ZNF28: variants seen among roughly 807,000 people sequenced by gnomAD.
The protein encoded by ZNF28 is zinc finger protein KOX24.
In ZNF28, 5 loss-of-function variants were observed where a neutral mutation model predicts 7.2. The ratio of observed to expected loss-of-function variants is 0.70; its 90% CI spans 0.36 to 1.46. The LOEUF (loss-of-function observed/expected upper bound fraction) is 1.46. Among genes scored for constraint, ZNF28 ranks in the 40% most tolerant of loss-of-function variants. The probability of loss-of-function intolerance (pLI) is 0.03; values close to 1 mark genes in which losing one functional copy is unlikely to be tolerated. For synonymous variants in ZNF28, 288 were observed against 292.4 expected (o/e 0.99, Z 0.15); for missense variants, 879 against 866.6 (o/e 1.01, Z -0.18).
rs1380123910 is a variant in ZNF28 at position 52,798,861 on chromosome 19, C to T, written c.*827G>A. 1 of 1,321,474 alleles carries T rather than the reference C, an allele frequency of 7.6e-7. No individual in the cohort carries two copies. The highest frequency in any genetic ancestry group is 1.5e-5 in the African/African-American group (1 of 67,462). The allele number at this position is 1,321,474 out of a possible 1,614,324, so 81.9% of individuals were successfully genotyped here. On this transcript the variant is annotated 3_prime_UTR_variant, in exon 4 of 4. Coordinates refer to ENST00000457749, the MANE Select transcript of ZNF28 (RefSeq NM_006969.5). ...CAATCATTATATTAGTCAAGTTTCC[C>T]TATACTATGGATTGCTTGATGGTGA...
intron 3 of ZNF28, among the ~76,000 whole-genome samples, chr19:52,803,894 T>C (rs1166961725): frequency 2.0e-5 from 3 of 152,010 alleles, no homozygotes; most frequent in Non-Finnish European, 4.4e-5. Flanking sequence ...AAGGTGAAGG[T>C]TGCAGTGAGC....
chr19:52,809,894 G>A (rs2062994070), intron 2 of ZNF28: 9 of 806,588 alleles, frequency 1.1e-5, no homozygotes, highest in Non-Finnish European at 1.9e-5. Flanking sequence ...CCAGGCCGGG[G>A]CGGCGCCATC....
intron 3 of ZNF28, among the ~76,000 whole-genome samples, chr19:52,803,395 A>T (rs2062898109): frequency 6.6e-6 from 1 of 152,186 alleles, no homozygotes. Context: ...TTGTGACATT[A>T]TCTAGGGGAG....
Position 52,810,516 on chromosome 19 carries a change from A to C in ZNF28, c.16-2383T>G. ...TCCCTATTTAGAGGAAGGCAAATCA[A>C]GGTGATCCCAAAGCGAACCAACAGA... On this transcript the variant is annotated intron_variant, in intron 2 of 3. Transcript: ENST00000457749. 3 of 1,592,656 alleles carry C rather than the reference A, an allele frequency of 1.9e-6. 1 individual carries two copies. The highest frequency in any genetic ancestry group is 3.3e-4 in the Middle Eastern group (2 of 6,028).
In ZNF28 at chr19:52,801,276, T is replaced by C. The variant is rs1373027627; in HGVS notation, c.569A>G (p.Asn190Ser). ...ICCRPKTHISNKYGNNSLHSS... is the reference protein window; with the variant it reads ...ICCRPKTHISSKYGNNSLHSS... ...ATGGAGGGAATTATTTCCATACTTA[T>C]TAGAAATATGGGTTTTGGGCCTACA... is the stretch of plus-strand genomic sequence containing the variant. Residue 190 changes from asparagine (N) to serine (S), a missense_variant, in exon 4 of 4, where the codon AAT becomes AGT. Transcript: ENST00000457749. 1.2e-6 allele frequency: 2 copies of C among 1,614,024 alleles called. No individual in the cohort carries two copies. The highest frequency in any genetic ancestry group is 1.7e-6 in the Non-Finnish European group (2 of 1,179,966).
At chr19:52,815,465 C>A (rs1373479578) in intron 2 of ZNF28, among the ~76,000 whole-genome samples, 1 of 145,040 alleles carries the variant, frequency 6.9e-6, no homozygotes. Context: ...TGCAGTGAGC[C>A]GAGATCATGC....
chr19:52,797,430 T>G lies in ZNF28; in HGVS notation c.*2258A>C, dbSNP rs2062811360. ...AAATCAGAAAGAAAGAAGTCAAATT[T>G]TATTTGTTTGTAGATGACATGATCT... On this transcript the variant is annotated 3_prime_UTR_variant, in exon 4 of 4. Coordinates refer to ENST00000457749, the MANE Select transcript of ZNF28 (RefSeq NM_006969.5). The G allele has an allele frequency of 6.6e-6, 1 of 152,254 alleles. No homozygotes were observed. The highest frequency in any genetic ancestry group is 2.4e-5 in the African/African-American group (1 of 41,472). 9.4% of individuals were successfully genotyped at this position (152,254 alleles called of 1,614,324 possible).
chr19:52,812,141 T>G (rs1370872452), intron 2 of ZNF28, among the ~76,000 whole-genome samples: 8 of 112,656 alleles, frequency 7.1e-5, no homozygotes, highest in Admixed American at 2.5e-4. Flanking sequence ...GGGAGGGTGG[T>G]GGGGGGGTCA....
intron 2 of ZNF28, among the ~76,000 whole-genome samples, chr19:52,811,693 C>G (rs1189453759): frequency 6.9e-6 from 1 of 144,540 alleles, no homozygotes; most frequent in Non-Finnish European, 1.5e-5. Flanking sequence ...CCCCTCCGTC[C>G]GGCAACCACC....
intron 2 of ZNF28, chr19:52,809,913 G>C: frequency 2.4e-6 from 2 of 836,624 alleles, no homozygotes; most frequent in East Asian, 2.7e-5. Flanking sequence ...TCTTGTGCCC[G>C]GGGCCGGTGG....
chr19:52,799,985 T>A lies in ZNF28; in HGVS notation c.1860A>T (p.Ser620=), dbSNP rs1205219574. 4 of 1,612,858 alleles carry A rather than the reference T, an allele frequency of 2.5e-6. No homozygotes were observed. The highest frequency in any genetic ancestry group is 1.7e-5 in the Admixed American group (1 of 59,956). Residue 620 remains serine, a synonymous_variant, in exon 4 of 4, where the codon TCA becomes TCT. Coordinates refer to ENST00000457749, the MANE Select transcript of ZNF28 (RefSeq NM_006969.5). ...GAAGCCTACGATGGATTATAAGCGATGATGTCTGACGGAAGGTCTTGCCAC... is the reference window on the plus strand; with the variant it reads ...GAAGCCTACGATGGATTATAAGCGAAGATGTCTGACGGAAGGTCTTGCCAC... ...NECGKTFRQT[S]SLIIHRRLHT... is the part of the protein sequence containing the mutation.
In ZNF28 at chr19:52,800,896, G is replaced by A. The variant is rs778968289; in HGVS notation, c.949C>T (p.His317Tyr). The change falls in exon 4 of 4, where the codon CAT becomes TAT. Residue 317 changes from histidine (H) to tyrosine (Y), a missense_variant. Coordinates refer to ENST00000457749, the MANE Select transcript of ZNF28 (RefSeq NM_006969.5). ...TTCCCTCCAGTATAAATTATCTTAT[G>A]TGTTTCAAGGTGTGATTTGCGACTG... ...VFSRKSHLETHKIIYTGGKPY... is the reference protein window; with the variant it reads ...VFSRKSHLETYKIIYTGGKPY... 1.1e-5 allele frequency: 17 copies of A among 1,613,844 alleles called. No individual in the cohort carries two copies. The highest frequency in any genetic ancestry group is 4.2e-6 in the Non-Finnish European group (5 of 1,179,936).
chr19:52,815,659 C>A (rs2063114372), intron 2 of ZNF28, among the ~76,000 whole-genome samples: 1 of 146,160 alleles, frequency 6.8e-6, no homozygotes. Context: ...CCCATCTCTA[C>A]TAAAAATACA....
rs56944474 is a variant in ZNF28 at position 52,812,762 on chromosome 19, T to TA, written c.16-4630dup. Among the ~76,000 whole-genome samples the TA allele has an allele frequency of 9.8e-3, 741 of 75,368 alleles. 13 individuals are homozygous for TA. Among genetic ancestry groups the TA allele is most frequent in the African/African-American group, 0.026 (612 of 23,394 alleles). 49.4% of individuals were successfully genotyped at this position (75,368 alleles called of 152,430 possible). ...GCGAGAAACACCCAAGAATGATCAA[T>TA]AAAAAAAAAAAAAAAAAAAAAAAAA... On this transcript the variant is annotated intron_variant, in intron 2 of 3. Transcript: ENST00000457749.
rs780536463 is a variant in ZNF28, at chr19:52,799,803, T to G, written c.2042A>C (p.His681Pro). The change falls in exon 4 of 4, where the codon CAT (histidine) becomes CCT (proline). Residue 681 changes from histidine to proline, a missense_variant. By Grantham distance (77) the His-to-Pro change is moderately conservative. Coordinates refer to ENST00000457749, the MANE Select transcript of ZNF28 (RefSeq NM_006969.5). ...VFNQQAHLAQ[H>P]QRVHTGEKPY... ...TTTCTCTCCAGTATGAACTCTCTGA[T>G]GCTGTGCAAGGTGTGCTTGTTGATT... 1 of 1,614,200 alleles carries G rather than the reference T, an allele frequency of 6.2e-7. No homozygotes were observed. Among genetic ancestry groups the G allele is most frequent in the Non-Finnish European group, 8.5e-7 (1 of 1,180,024 alleles).
Position 52,800,785 on chromosome 19 carries a change from G to A in ZNF28, c.1060C>T (p.Pro354Ser), listed in dbSNP as rs777858649. 1.2e-6 allele frequency: 2 copies of A among 1,614,042 alleles called. No homozygotes were observed. The highest frequency in any genetic ancestry group is 1.7e-6 in the Non-Finnish European group (2 of 1,180,002). Residue 354 changes from proline (P) to serine (S), a missense_variant, in exon 4 of 4, where the codon CCT (proline) becomes TCT (serine). Transcript: ENST00000457749. ...TTGCCACATTCATTACACTTGTAAG[G>A]TTTCTCTCCAGTGTGAATTATAGTA... ...KHTIIHTGEK[P>S]YKCNECGKVF...
intron 3 of ZNF28, among the ~76,000 whole-genome samples, 168 bp from the exon 4 acceptor site, chr19:52,801,870 T>C (rs777937349): frequency 2.0e-5 from 3 of 152,174 alleles, no homozygotes; most frequent in Non-Finnish European, 2.9e-5. Flanking sequence ...TAAAGGGCGA[T>C]TATATGTCTT....
At chr19:52,810,547 C>A in intron 2 of ZNF28, 2 of 1,595,842 alleles carry the variant, frequency 1.3e-6, no homozygotes, top group Non-Finnish European at 8.6e-7. Flanking sequence ...ACAGACCAGG[C>A]ATCAGCACAA....
At chr19:52,803,074 A>C (rs2062894339) in intron 3 of ZNF28, among the ~76,000 whole-genome samples, 2 of 149,314 alleles carry the variant, frequency 1.3e-5, no homozygotes, top group Admixed American at 6.7e-5. Flanking sequence ...TTTTAAAAAA[A>C]ATTTTATGTA....
Sources: gnomAD v4.1 joint callset for allele counts (sites outside exome capture counted in the v4.1 genomes callset) on GRCh38, gnomAD v4.1.1 for gene constraint, MANE v1.5 for transcripts, NCBI Gene and HGNC (gene_info 2026-07-23, HGNC 2026-07-21) for gene names.